The following ITGAE variants were observed in gnomAD, a reference collection of about 807,000 sequenced individuals.
ITGAE encodes the protein integrin subunit alpha E, also known as integrin alpha-E.
Under a neutral mutation model 136.5 loss-of-function variants are expected in ITGAE, and 99 were observed. The observed-to-expected ratio is 0.73, with a 90% CI of 0.62 to 0.86. ITGAE has a LOEUF of 0.86. ITGAE is among the 40% of genes least tolerant of loss of function. ITGAE has a pLI of 0.00. For missense variants in ITGAE, 1,447 were observed against 1,515.3 expected (o/e 0.95, Z 0.75); for synonymous variants, 613 against 591.8 (o/e 1.04, Z -0.52).
intron 1 of ITGAE, among the ~76,000 whole-genome samples, chr17:3,795,685 G>A (rs2053049117): frequency 6.6e-6 from 1 of 152,260 alleles, no homozygotes; most frequent in South Asian, 2.1e-4. Context: ...GCGGCTCACT[G>A]AGCTGGAGCA....
intron 1 of ITGAE, among the ~76,000 whole-genome samples, chr17:3,793,181 T>C (rs949347132): frequency 6.6e-6 from 1 of 151,754 alleles, no homozygotes; most frequent in African/African-American, 2.4e-5. Flanking sequence ...GCCTCCTGAG[T>C]AGCTGGGAAA....
In ITGAE at chr17:3,728,106, T is replaced by C. The variant is rs201599004; in HGVS notation, c.2975A>G (p.His992Arg). ...AGCTTTACAATAATAAGTACTTACA[T>C]GGAAGAGGAATTCTTTGTGGTGAGA... ...GLSHHKEFLFHVHGENLFGAE... is the reference protein window; with the variant it reads ...GLSHHKEFLFRVHGENLFGAE... Residue 992 changes from histidine to arginine, a missense_variant and splice_region_variant, in exon 25 of 31, where the codon CAT becomes CGT. His to Arg is a conservative substitution (Grantham distance 29). Coordinates refer to ENST00000263087, the MANE Select transcript of ITGAE (RefSeq NM_002208.5). 27 of 1,611,190 alleles carry C rather than the reference T, an allele frequency of 1.7e-5. No individual in the cohort carries two copies. The highest frequency in any genetic ancestry group is 1.7e-6 in the Non-Finnish European group (2 of 1,177,400).
intron 1 of ITGAE, among the ~76,000 whole-genome samples, chr17:3,788,590 G>C (rs1271821375): frequency 6.7e-6 from 1 of 148,756 alleles, no homozygotes. Flanking sequence ...GTGAGCCACT[G>C]TGCCCAGCCT....
At chr17:3,725,613 A>C in intron 26 of ITGAE, 1 of 1,613,728 alleles carries the variant, frequency 6.2e-7, no homozygotes, top group Non-Finnish European at 8.5e-7. Flanking sequence ...TATCGGGCTG[A>C]ACTCAGTGCA....
At chr17:3,757,225 C>G in intron 9 of ITGAE, 91 bp from the exon 10 acceptor site, 8 of 1,403,416 alleles carry the variant, frequency 5.7e-6, no homozygotes, top group Non-Finnish European at 7.8e-6. Context: ...GCCTCTGGGG[C>G]CCTCCATTAC....
intron 2 of ITGAE, among the ~76,000 whole-genome samples, chr17:3,771,023 C>A (rs1049781330): frequency 6.6e-6 from 1 of 152,080 alleles, no homozygotes; most frequent in Non-Finnish European, 1.5e-5. Context: ...ACTTCTGACC[C>A]AGCAATCCCA....
chr17:3,751,529 C>T (rs374515521), intron 15 of ITGAE, 121 bp downstream of exon 15: 1 of 834,078 alleles, frequency 1.2e-6, no homozygotes, highest in East Asian at 2.5e-5. Context: ...TTTCACTGGG[C>T]ATTCCCAACC....
At chr17:3,778,258 G>C (rs2052589330) in intron 1 of ITGAE, among the ~76,000 whole-genome samples, 1 of 152,140 alleles carries the variant, frequency 6.6e-6, no homozygotes, top group Admixed American at 6.5e-5. Flanking sequence ...GCAGCGTGAT[G>C]AATCCCAAAA....
At position 3,753,437 on chromosome 17, in the gene ITGAE, C is replaced by T. The variant is rs1434161503; in HGVS notation, c.1528-7G>A. 1 of 1,611,994 alleles carries T rather than the reference C, an allele frequency of 6.2e-7. No individual in the cohort carries two copies. Among genetic ancestry groups the T allele is most frequent in the African/African-American group, 1.3e-5 (1 of 74,894 alleles). Reference sequence around the variant, plus strand: ...AGCCAAAATAGGACCCCATCTACAGCCCGGGAGGAACTCAGCTCACCAGGA... The same window carrying T: ...AGCCAAAATAGGACCCCATCTACAGTCCGGGAGGAACTCAGCTCACCAGGA... On this transcript the variant is annotated splice_region_variant and splice_polypyrimidine_tract_variant and intron_variant, in intron 13 of 30. Transcript: ENST00000263087.
At chr17:3,797,341 G>A (rs369641299) in intron 1 of ITGAE, among the ~76,000 whole-genome samples, 30 of 149,356 alleles carry the variant, frequency 2.0e-4, no homozygotes, top group East Asian at 4.0e-4. Context: ...AATTTTTTGT[G>A]TTTTTAGTAG....
chr17:3,761,542 G>A (rs757943724), intron 4 of ITGAE, 22 bp from the exon 5 acceptor site: 7 of 1,593,488 alleles, frequency 4.4e-6, no homozygotes, highest in Non-Finnish European at 5.1e-6. Flanking sequence ...AAGAGAGGGT[G>A]GGGAAACACC....
chr17:3,746,660 A>G (rs781032272), intron 17 of ITGAE, among the ~76,000 whole-genome samples: 6 of 151,044 alleles, frequency 4.0e-5, no homozygotes, highest in Non-Finnish European at 7.4e-5. Context: ...GCGTTTCACC[A>G]TGTTAGCCAG....
intron 22 of ITGAE, 102 bp downstream of exon 22, chr17:3,732,266 G>T: frequency 2.2e-6 from 2 of 903,508 alleles, no homozygotes; most frequent in Non-Finnish European, 3.7e-6. Flanking sequence ...CTGCAGTCAA[G>T]CGAAGCGCAA....
intron 11 of ITGAE, among the ~76,000 whole-genome samples, chr17:3,755,569 A>G (rs939114686): frequency 2.0e-5 from 3 of 152,310 alleles, no homozygotes; most frequent in Admixed American, 1.3e-4. Context: ...CACAGAAAAA[A>G]GCGACCTCCT....
At chr17:3,722,154 C>T (rs2436087) in intron 28 of ITGAE, among the ~76,000 whole-genome samples, 18,673 of 145,280 alleles carry the variant, frequency 0.13, 3,852 homozygotes, top group African/African-American at 0.44. Context: ...ACAACAAGAG[C>T]GAAACTCCGT....
chr17:3,737,294 AAAGAAG>A (rs369478989), intron 20 of ITGAE, among the ~76,000 whole-genome samples: 1 of 148,062 alleles, frequency 6.8e-6, no homozygotes, highest in Admixed American at 6.6e-5. Context: ...CCCTGTCTCA[AAAGAAG>A]AAGAAGAAGA....
intron 24 of ITGAE, chr17:3,728,478 A>C (rs1458887025): frequency 1.3e-5 from 3 of 230,880 alleles, no homozygotes; most frequent in African/African-American, 7.6e-5. Context: ...GGTTTAAGTG[A>C]TTCTCCTGCC....
intron 20 of ITGAE, among the ~76,000 whole-genome samples, chr17:3,736,367 A>G (rs960098125): frequency 5.9e-5 from 9 of 152,184 alleles, no homozygotes; most frequent in African/African-American, 2.2e-4. Flanking sequence ...TAGTAGTCCA[A>G]AGAATTGAGA....
At chr17:3,797,199 T>C (rs1376067697) in intron 1 of ITGAE, among the ~76,000 whole-genome samples, 4 of 137,678 alleles carry the variant, frequency 2.9e-5, no homozygotes, top group Non-Finnish European at 6.1e-5. Flanking sequence ...GGAGTCTCGC[T>C]CTGTCGCCCA....
Sources: gnomAD v4.1 joint callset for allele counts (sites outside exome capture counted in the v4.1 genomes callset) on GRCh38, gnomAD v4.1.1 for gene constraint, MANE v1.5 for transcripts, NCBI Gene and HGNC (gene_info 2026-07-23, HGNC 2026-07-21) for gene names.